The following KALRN variants were observed in gnomAD, a reference collection of about 807,000 sequenced individuals.
The protein encoded by KALRN is kalirin.
A neutral mutation model predicts 353.7 loss-of-function variants in KALRN; 70 were observed. The observed-to-expected ratio is 0.20, with a 90% CI of 0.16 to 0.24. The LOEUF is 0.24. Among genes scored for constraint, KALRN ranks in the 10% least tolerant of loss-of-function variants. KALRN has a pLI of 1.00. For synonymous variants in KALRN, 1,391 were observed against 1,434.8 expected, an observed-to-expected ratio of 0.97 and a Z score of 0.69; for missense variants, 2,791 against 3,756.7, an observed-to-expected ratio of 0.74 and a Z score of 6.72.
At chr3:124,424,986 G>T (rs2092950976) in intron 15 of KALRN, among the ~76,000 whole-genome samples, 2 of 152,108 alleles carry the variant, frequency 1.3e-5, no homozygotes. Flanking sequence ...TTGCCATGTG[G>T]TCCCAGGAGA....
intron 10 of KALRN, among the ~76,000 whole-genome samples, chr3:124,363,073 T>C (rs1237801567): frequency 1.3e-5 from 2 of 152,192 alleles, no homozygotes; most frequent in African/African-American, 4.8e-5. Flanking sequence ...AATATCACAT[T>C]ACTCTAAAAA....
At chr3:124,678,439 G>A in intron 50 of KALRN, 126 bp downstream of exon 50, 3 of 1,027,436 alleles carry the variant, frequency 2.9e-6, no homozygotes, top group Non-Finnish European at 4.2e-6. Flanking sequence ...CAGAGGGGAA[G>A]TAGTTTAGCA....
intron 5 of KALRN, among the ~76,000 whole-genome samples, chr3:124,292,396 G>A (rs1477277459): frequency 6.6e-6 from 1 of 152,210 alleles, no homozygotes; most frequent in Non-Finnish European, 1.5e-5. Context: ...ACTGTTAAGA[G>A]CCAAAGGAAC....
chr3:124,505,844 G>C (rs1301504901), intron 33 of KALRN, among the ~76,000 whole-genome samples: 1 of 152,176 alleles, frequency 6.6e-6, no homozygotes, highest in African/African-American at 2.4e-5. Context: ...GAAAGATCTT[G>C]TTGACCAGAC....
At chr3:124,707,650 G>C (rs111240976) in intron 57 of KALRN, among the ~76,000 whole-genome samples, 1 of 152,306 alleles carries the variant, frequency 6.6e-6, no homozygotes, top group African/African-American at 2.4e-5. Context: ...GAGCTGGAGA[G>C]AACAGAATAA....
chr3:124,715,820 C>G (rs2063110022), intron 58 of KALRN, among the ~76,000 whole-genome samples: 2 of 152,176 alleles, frequency 1.3e-5, no homozygotes, highest in African/African-American at 4.8e-5. Context: ...TTGGTAACTC[C>G]TTGCTGTAAG....
Position 124,699,912 on chromosome 3 carries a change from T to C in KALRN, c.7875T>C (p.Thr2625=). 6.2e-7 allele frequency: 1 copy of C among 1,614,216 alleles called. No homozygotes were observed. Among genetic ancestry groups the C allele is most frequent in the East Asian group, 2.2e-5 (1 of 44,884 alleles). Residue 2625 remains threonine (T), a synonymous_variant, in exon 56 of 60, where the codon ACT becomes ACC. Coordinates refer to ENST00000682506, the MANE Select transcript of KALRN (RefSeq NM_001388419.1). ...WQQSVASTLD[T]YLVIEDLSPG... is the part of the protein sequence containing the mutation. The stretch of plus-strand genomic sequence containing the variant: ...AGTCAGTGGCTTCGACCTTGGACAC[T>C]TACCTCGTCATCGAAGACCTTAGTC...
intron 5 of KALRN, among the ~76,000 whole-genome samples, chr3:124,288,935 T>C (rs761823878): frequency 2.6e-5 from 4 of 152,132 alleles, no homozygotes; most frequent in Non-Finnish European, 5.9e-5. Flanking sequence ...TAATATTGAG[T>C]CCATAGATAC....
At chr3:124,295,568 A>G (rs1403681094) in intron 5 of KALRN, among the ~76,000 whole-genome samples, 1 of 152,334 alleles carries the variant, frequency 6.6e-6, no homozygotes, top group East Asian at 1.9e-4. Context: ...TGGTGCCAGC[A>G]CATAACTCAT....
chr3:124,040,757 C>A (rs1338067685), intron 1 of KALRN, among the ~76,000 whole-genome samples: 1 of 152,216 alleles, frequency 6.6e-6, no homozygotes, highest in Non-Finnish European at 1.5e-5. Flanking sequence ...TATGGAGCAT[C>A]TAGTGGTCTC....
intron 57 of KALRN, among the ~76,000 whole-genome samples, chr3:124,706,623 G>A (rs1303864236): frequency 6.6e-6 from 1 of 151,260 alleles, no homozygotes; most frequent in Admixed American, 6.6e-5. Context: ...AGGCTGGAGT[G>A]CAGTGATGCA....
At chr3:124,183,066 G>A (rs2073817135) in intron 1 of KALRN, among the ~76,000 whole-genome samples, 1 of 152,148 alleles carries the variant, frequency 6.6e-6, no homozygotes. Flanking sequence ...GTAGAAATAA[G>A]GCTTTCAAGA....
chr3:124,123,658 C>T (rs983132325), intron 1 of KALRN, among the ~76,000 whole-genome samples: 3 of 152,180 alleles, frequency 2.0e-5, no homozygotes, highest in South Asian at 2.1e-4. Context: ...GATGAAATAG[C>T]CTTCTATTGG....
At chr3:124,287,854 TA>T (rs1437421546) in intron 5 of KALRN, among the ~76,000 whole-genome samples, 1 of 131,948 alleles carries the variant, frequency 7.6e-6, no homozygotes, top group Non-Finnish European at 1.6e-5. Flanking sequence ...ATTTAATTTT[TA>T]TGTATATTTA....
At chr3:124,651,901 G>T (rs1012295653) in intron 38 of KALRN, among the ~76,000 whole-genome samples, 1 of 152,114 alleles carries the variant, frequency 6.6e-6, no homozygotes, top group Non-Finnish European at 1.5e-5. Flanking sequence ...GCCTCCCAAA[G>T]TGTTGGGATT....
intron 1 of KALRN, among the ~76,000 whole-genome samples, chr3:124,104,981 C>T (rs972286145): frequency 6.6e-6 from 1 of 152,068 alleles, no homozygotes; most frequent in African/African-American, 2.4e-5. Flanking sequence ...AGGTAAGGCA[C>T]ACAAGAGGGA....
Position 124,643,682 on chromosome 3 carries a change from G to A in KALRN, c.5664+6379G>A, listed in dbSNP as rs2082361502. Among the ~76,000 whole-genome samples the A allele has an allele frequency of 2.6e-5, 4 of 152,066 alleles. No individual in the cohort carries two copies. In the South Asian group the frequency reaches 8.3e-4, roughly 32 times the overall value. ...TTTTTCTATTTTTAGCAGAGATGAG[G>A]TCTCGCTTTGTTGCCCAGACTGGCG... On this transcript the variant is annotated intron_variant, in intron 37 of 59. Transcript: ENST00000682506.
rs372951800 is a variant in KALRN at position 124,504,298 on chromosome 3, TA to T, written c.4935+7896del. Among the ~76,000 whole-genome samples the T allele has an allele frequency of 3.0e-3, 434 of 146,552 alleles. 1 individual carries two copies. The highest frequency in any genetic ancestry group is 5.7e-3 in the Admixed American group (84 of 14,674). ...ATCATCTAGCCCTCTTCCTTCTGTT[TA>T]AAAAAAAAAAGTGACTTGCCTAGAG... On this transcript the variant is annotated intron_variant, in intron 33 of 59. Coordinates refer to ENST00000682506, the MANE Select transcript of KALRN (RefSeq NM_001388419.1).
At chr3:124,398,937 C>T in intron 13 of KALRN, 66 bp downstream of exon 13, 2 of 1,506,734 alleles carry the variant, frequency 1.3e-6, no homozygotes, top group Non-Finnish European at 1.8e-6. Flanking sequence ...AGGGCACTGC[C>T]CCAGGGGCAG....
Sources: allele counts gnomAD v4.1 joint callset (sites outside exome capture counted in the v4.1 genomes callset), GRCh38; gene constraint gnomAD v4.1.1; transcripts MANE v1.5; gene names NCBI Gene and HGNC (gene_info 2026-07-23, HGNC 2026-07-21).